CSTL1: variants seen among roughly 807,000 people sequenced by gnomAD.
CSTL1 encodes the protein cystatin like 1, also known as cystatin-like 1.
In CSTL1, 14 loss-of-function variants were observed where a neutral mutation model predicts 14.4. The observed-to-expected ratio is 0.97, with a 90% CI of 0.64 to 1.52. CSTL1 has a LOEUF of 1.52. CSTL1 is among the 40% of genes most tolerant of loss of function. The pLI is 0.00. For synonymous variants in CSTL1, 72 were observed against 67.5 expected (o/e 1.07, Z -0.33); for missense variants, 170 against 168.7 (o/e 1.01, Z -0.04).
the CSTL1 span, among the ~76,000 whole-genome samples, chr20:23,450,096 G>A: frequency 1.8e-4 from 28 of 152,186 alleles, no homozygotes; most frequent in African/African-American, 2.7e-4. Flanking sequence ...CCCCTCAGAC[G>A]TGCCATCACA....
downstream of CSTL1, among the ~76,000 whole-genome samples, chr20:23,449,830 G>A (rs6048802): frequency 2.1e-3 from 321 of 152,282 alleles, no homozygotes; most frequent in African/African-American, 7.0e-3. Flanking sequence ...TTCACGGGGG[G>A]CACATATGTC....
chr20:23,451,787 G>T, the CSTL1 span: 1 of 1,523,360 alleles, frequency 6.6e-7, no homozygotes, highest in Non-Finnish European at 9.1e-7. Flanking sequence ...AAGGACTTCT[G>T]TCTACGTTAA....
At chr20:23,455,537 C>T in the CSTL1 span, among the ~76,000 whole-genome samples, 8 of 152,202 alleles carry the variant, frequency 5.3e-5, no homozygotes, top group African/African-American at 1.9e-4. Flanking sequence ...GTGGGGCTCA[C>T]AAAGAATCCC....
chr20:23,449,225 C>T (rs6048801), downstream of CSTL1, among the ~76,000 whole-genome samples: 258 of 152,238 alleles, frequency 1.7e-3, no homozygotes, highest in African/African-American at 5.7e-3. Flanking sequence ...TCCCTGTGCC[C>T]TTTTATTTGT....
chr20:23,449,249 C>T (rs942303512), downstream of CSTL1, among the ~76,000 whole-genome samples: 2 of 152,116 alleles, frequency 1.3e-5, no homozygotes, highest in Non-Finnish European at 1.5e-5. Context: ...CCGTCTCTGC[C>T]GCTTACTCTG....
intron 2 of CSTL1, among the ~76,000 whole-genome samples, chr20:23,443,081 C>G (rs1385822468): frequency 1.3e-5 from 2 of 152,178 alleles, no homozygotes; most frequent in East Asian, 3.9e-4. Flanking sequence ...GTGTACCCAC[C>G]ATGCCTCCTT....
At chr20:23,455,205 A>G in the CSTL1 span, among the ~76,000 whole-genome samples, 1 of 152,160 alleles carries the variant, frequency 6.6e-6, no homozygotes, top group Non-Finnish European at 1.5e-5. Context: ...CAACTCTTGT[A>G]TAGTAAAGTT....
downstream of CSTL1, among the ~76,000 whole-genome samples, chr20:23,445,482 C>T (rs1986948551): frequency 6.6e-6 from 1 of 152,114 alleles, no homozygotes; most frequent in African/African-American, 2.4e-5. Flanking sequence ...TGGTCATGGA[C>T]TCCTGGGCTC....
At chr20:23,452,781 G>A in the CSTL1 span, 3 of 1,614,108 alleles carry the variant, frequency 1.9e-6, no homozygotes, top group Non-Finnish European at 2.5e-6. Flanking sequence ...GCCAACAGGA[G>A]CTGTAGGGCC....
downstream of CSTL1, among the ~76,000 whole-genome samples, chr20:23,446,907 G>A (rs73901874): frequency 0.021 from 3,214 of 152,274 alleles, 95 homozygotes; most frequent in African/African-American, 0.074. Flanking sequence ...AGGGAGAAGA[G>A]AGGATGGAGG....
chr20:23,460,303 T>C, the CSTL1 span, among the ~76,000 whole-genome samples: 1 of 152,202 alleles, frequency 6.6e-6, no homozygotes, highest in African/African-American at 2.4e-5. Context: ...CAGAGGGTCA[T>C]GGGGTGGCTG....
the CSTL1 span, chr20:23,459,082 G>A: frequency 6.6e-6 from 1 of 152,218 alleles, no homozygotes; most frequent in African/African-American, 2.4e-5. Context: ...CATATTCCTG[G>A]ACTCTGCTGA....
At chr20:23,450,471 A>G in the CSTL1 span, 1 of 1,407,586 alleles carries the variant, frequency 7.1e-7, no homozygotes, top group Non-Finnish European at 9.9e-7. Flanking sequence ...GGATTCTCTC[A>G]CATGCAGTGG....
chr20:23,443,448 G>A (rs929646564), intron 2 of CSTL1, among the ~76,000 whole-genome samples: 6 of 152,036 alleles, frequency 3.9e-5, no homozygotes, highest in African/African-American at 1.2e-4. Context: ...TCACTAAATG[G>A]AAAATGCATG....
chr20:23,444,402 G>T (rs1047036280), intron 3 of CSTL1, among the ~76,000 whole-genome samples: 1 of 152,050 alleles, frequency 6.6e-6, no homozygotes, highest in Non-Finnish European at 1.5e-5. Context: ...ATTTTTCCTG[G>T]TCCATGAGTG....
downstream of CSTL1, among the ~76,000 whole-genome samples, chr20:23,448,441 G>A (rs979922731): frequency 2.6e-5 from 4 of 152,088 alleles, no homozygotes; most frequent in East Asian, 1.9e-4. Flanking sequence ...CTGGTTACAC[G>A]AATGTACACG....
the CSTL1 span, among the ~76,000 whole-genome samples, chr20:23,452,076 T>C: frequency 6.6e-6 from 1 of 152,192 alleles, no homozygotes; most frequent in Non-Finnish European, 1.5e-5. Flanking sequence ...CTCATGATTG[T>C]TTTTGTCATT....
the CSTL1 span, among the ~76,000 whole-genome samples, chr20:23,455,215 T>C: frequency 6.6e-6 from 1 of 152,198 alleles, no homozygotes; most frequent in South Asian, 2.1e-4. Context: ...ATAGTAAAGT[T>C]TATTTTCTTG....
the CSTL1 span, among the ~76,000 whole-genome samples, chr20:23,455,632 G>A: frequency 6.6e-6 from 1 of 152,176 alleles, no homozygotes; most frequent in Non-Finnish European, 1.5e-5. Context: ...GTTCATCTCC[G>A]ACCTCAGTGG....
Sources: gnomAD v4.1 joint callset for allele counts (sites outside exome capture counted in the v4.1 genomes callset) on GRCh38, gnomAD v4.1.1 for gene constraint, MANE v1.5 for transcripts, NCBI Gene and HGNC (gene_info 2026-07-23, HGNC 2026-07-21) for gene names.